The following AGBL4 variants were observed in gnomAD, a reference collection of about 807,000 sequenced individuals.
AGBL4 encodes AGBL carboxypeptidase 4.
Under a neutral mutation model 66.4 loss-of-function variants are expected in AGBL4, and 58 were observed. The ratio of observed to expected loss-of-function variants is 0.87; its 90% CI spans 0.71 to 1.09. AGBL4 has a LOEUF of 1.09. Ranked by LOEUF, AGBL4 falls within the 50% of genes least tolerant of loss-of-function variation. The pLI is 0.00. For missense variants in AGBL4, 579 were observed against 631.0 expected (o/e 0.92, Z 0.88); for synonymous variants, 234 against 222.9 (o/e 1.05, Z -0.44).
intron 2 of AGBL4, among the ~76,000 whole-genome samples, chr1:49,723,879 A>G (rs1648804394): frequency 6.6e-6 from 1 of 152,116 alleles, no homozygotes; most frequent in Admixed American, 6.6e-5. Context: ...TGTGCATATG[A>G]TATCTTCTAT....
chr1:49,779,901 A>G (rs1030388189), intron 2 of AGBL4, among the ~76,000 whole-genome samples: 23 of 151,224 alleles, frequency 1.5e-4, no homozygotes, highest in Admixed American at 7.3e-4. Context: ...CAAAACGTTG[A>G]AAGAAAAAGA....
At chr1:49,285,586 G>T (rs1225411581) in intron 3 of AGBL4, among the ~76,000 whole-genome samples, 1 of 152,064 alleles carries the variant, frequency 6.6e-6, no homozygotes, top group African/African-American at 2.4e-5. Context: ...CCAGGAGCTG[G>T]TTTTTTGAAA....
chr1:49,010,769 A>G (rs1358602828), intron 5 of AGBL4, among the ~76,000 whole-genome samples: 25 of 151,600 alleles, frequency 1.6e-4, no homozygotes, highest in Admixed American at 8.6e-4. Context: ...GAGAAAAATA[A>G]GCAATGGGGA....
At chr1:49,395,795 A>G (rs1443685145) in intron 3 of AGBL4, among the ~76,000 whole-genome samples, 4 of 135,250 alleles carry the variant, frequency 3.0e-5, no homozygotes, top group East Asian at 4.0e-4. Flanking sequence ...ATATGTATAT[A>G]TATACATATA....
At chr1:48,769,273 T>C (rs935586171) in intron 6 of AGBL4, among the ~76,000 whole-genome samples, 4 of 151,998 alleles carry the variant, frequency 2.6e-5, no homozygotes, top group African/African-American at 9.7e-5. Context: ...AGAGAAGGAA[T>C]TGCTAGCCAG....
intron 3 of AGBL4, among the ~76,000 whole-genome samples, chr1:49,415,827 T>A (rs986688052): frequency 2.6e-5 from 4 of 152,052 alleles, no homozygotes; most frequent in Non-Finnish European, 4.4e-5. Flanking sequence ...TAAGTGAAAG[T>A]AATTTGCTGA....
chr1:48,930,111 C>A (rs1196681506), intron 5 of AGBL4, among the ~76,000 whole-genome samples: 1 of 152,034 alleles, frequency 6.6e-6, no homozygotes, highest in Non-Finnish European at 1.5e-5. Context: ...CATTTTTAGG[C>A]CCCTTTTACC....
At chr1:49,974,071 G>A (rs563950554) in intron 1 of AGBL4, among the ~76,000 whole-genome samples, 1 of 152,050 alleles carries the variant, frequency 6.6e-6, no homozygotes, top group South Asian at 2.1e-4. Flanking sequence ...CATCTTAAGT[G>A]GACTCTTTAA....
intron 6 of AGBL4, among the ~76,000 whole-genome samples, chr1:48,839,095 A>G (rs958495601): frequency 1.3e-5 from 2 of 152,172 alleles, no homozygotes; most frequent in Non-Finnish European, 2.9e-5. Context: ...AAATTAGTAT[A>G]GCTACTATGG....
In AGBL4 at chr1:49,405,264, C is replaced by T. The variant is rs559180690; in HGVS notation, c.283-159400G>A. 1.1e-4 allele frequency among the ~76,000 whole-genome samples: 16 copies of T among 152,200 alleles called. No homozygotes were observed. In the South Asian group the frequency reaches 1.2e-3, roughly 12 times the overall value. ...TAACTGCATTAGTACCCGTTCTCAC[C>T]GGCTCTCCATTATTCAAGAGAAACA... is the stretch of plus-strand genomic sequence containing the variant. On this transcript the variant is annotated intron_variant, in intron 3 of 13. Transcript: ENST00000371839.
chr1:50,018,069 G>T (rs1274097906), intron 1 of AGBL4, among the ~76,000 whole-genome samples: 2 of 152,010 alleles, frequency 1.3e-5, no homozygotes, highest in African/African-American at 4.8e-5. Context: ...TTCCCCAAGA[G>T]ATTTATTTCT....
chr1:49,090,483 C>T (rs1319904313), intron 4 of AGBL4, among the ~76,000 whole-genome samples: 1 of 152,050 alleles, frequency 6.6e-6, no homozygotes. Flanking sequence ...CAATCCCATT[C>T]ACAATAGCCA....
At chr1:49,302,131 AG>A (rs945334222) in intron 3 of AGBL4, among the ~76,000 whole-genome samples, 4 of 151,634 alleles carry the variant, frequency 2.6e-5, no homozygotes, top group Non-Finnish European at 5.9e-5. Flanking sequence ...AAGCCATCTG[AG>A]GAGTAGTAAT....
At chr1:49,283,609 T>A (rs1262258096) in intron 3 of AGBL4, among the ~76,000 whole-genome samples, 1 of 151,956 alleles carries the variant, frequency 6.6e-6, no homozygotes, top group Non-Finnish European at 1.5e-5. Context: ...GCAAATAAGT[T>A]GAAAACTTTG....
chr1:49,336,346 G>A (rs555081427), intron 3 of AGBL4, among the ~76,000 whole-genome samples: 2 of 151,296 alleles, frequency 1.3e-5, no homozygotes, highest in South Asian at 4.2e-4. Flanking sequence ...TTCTATTTAG[G>A]CATCAATGAA....
intron 6 of AGBL4, among the ~76,000 whole-genome samples, chr1:48,779,704 CTTTTTT>C (rs200375125): frequency 7.3e-6 from 1 of 137,182 alleles, no homozygotes; most frequent in Non-Finnish European, 1.6e-5. Flanking sequence ...CTGTTCCTCT[CTTTTTT>C]TTTTTTTTTT....
chr1:48,581,997 G>A (rs1644747493), intron 11 of AGBL4, among the ~76,000 whole-genome samples: 1 of 152,218 alleles, frequency 6.6e-6, no homozygotes, highest in African/African-American at 2.4e-5. Context: ...TTTAGGTTCT[G>A]TTGAAAGCTA....
At chr1:48,724,234 A>G (rs1006559225) in intron 6 of AGBL4, among the ~76,000 whole-genome samples, 8 of 152,160 alleles carry the variant, frequency 5.3e-5, no homozygotes, top group Non-Finnish European at 1.2e-4. Context: ...TAACCCCATA[A>G]CTAGACCTTA....
At chr1:49,652,929 T>C (rs6660689) in intron 3 of AGBL4, among the ~76,000 whole-genome samples, 103,731 of 151,902 alleles carry the variant, frequency 0.68, 36,148 homozygotes, top group African/African-American at 0.77. Context: ...CCGAGGATTC[T>C]GCCCAACTGC....
Sources: allele counts gnomAD v4.1 joint callset (sites outside exome capture counted in the v4.1 genomes callset), GRCh38; gene constraint gnomAD v4.1.1; transcripts MANE v1.5; gene names NCBI Gene and HGNC (gene_info 2026-07-23, HGNC 2026-07-21).